Variants in SPATA7 observed in about 807,000 individuals in gnomAD.
SPATA7 encodes the protein spermatogenesis-associated protein 7.
In SPATA7, 43 loss-of-function variants were observed where a neutral mutation model predicts 51.8. The observed-to-expected ratio is 0.83, with a 90% confidence interval of 0.65 to 1.07. The LOEUF (loss-of-function observed/expected upper bound fraction) is 1.07, where lower values mean the gene tolerates loss of function less well. Among genes scored for constraint, SPATA7 ranks in the 50% least tolerant of loss-of-function variants. The probability of loss-of-function intolerance (pLI) is 0.00; values close to 1 mark genes in which losing one functional copy is unlikely to be tolerated. For synonymous variants in SPATA7, 230 were observed against 252.8 expected (o/e 0.91, Z 0.86); for missense variants, 683 against 701.3 (o/e 0.97, Z 0.30).
chr14:88,416,969 A>G (rs961611517), intron 5 of SPATA7, 125 bp downstream of exon 5: 1 of 776,998 alleles, frequency 1.3e-6, no homozygotes, highest in African/African-American at 1.8e-5. Context: ...CAGATAGTTA[A>G]TATTTTAAAA....
intron 7 of SPATA7, 60 bp downstream of exon 7, chr14:88,427,756 A>C: frequency 8.3e-7 from 1 of 1,197,870 alleles, no homozygotes; most frequent in Non-Finnish European, 1.2e-6. Flanking sequence ...TTTTCAGTAA[A>C]TAGAATATGT....
At chr14:88,439,645 G>T (rs1277392237), downstream of SPATA7, among the ~76,000 whole-genome samples, 2 of 151,900 alleles carry the variant, frequency 1.3e-5, no homozygotes, top group Admixed American at 1.3e-4. Flanking sequence ...ATCATCCTTT[G>T]GCCATAGCAG....
intron 10 of SPATA7, among the ~76,000 whole-genome samples, chr14:88,434,908 TG>T (rs113742941): frequency 0.029 from 4,448 of 152,302 alleles, 96 homozygotes; most frequent in South Asian, 0.099. Flanking sequence ...ACTCTGAGGT[TG>T]GTTCATAACT....
At chr14:88,444,980 T>C (rs1233788991) in intron 3 of SPATA7, among the ~76,000 whole-genome samples, 1 of 152,104 alleles carries the variant, frequency 6.6e-6, no homozygotes, top group African/African-American at 2.4e-5. Context: ...TCTTTTTTGG[T>C]TCCATATGAA....
intron 4 of SPATA7, chr14:88,468,013 C>T: frequency 8.0e-7 from 1 of 1,247,050 alleles, no homozygotes; most frequent in Non-Finnish European, 1.2e-6. Flanking sequence ...CAGACTGCGC[C>T]ACTTACGTCC....
chr14:88,393,052 A>T (rs1392112161), intron 2 of SPATA7, among the ~76,000 whole-genome samples: 1 of 152,098 alleles, frequency 6.6e-6, no homozygotes, highest in African/African-American at 2.4e-5. Flanking sequence ...TAACAATGGT[A>T]ACTAATTAAG....
Position 88,469,788 on chromosome 14 carries a change from T to A in SPATA7, c.255-59T>A. On this transcript the variant is annotated intron_variant, in intron 4 of 4. Transcript: ENST00000556406. This position sits in a 1 kb window ranked among gnomAD's most constrained non-coding sequence, Gnocchi z 4.3. The stretch of plus-strand genomic sequence containing the variant: ...CGAGATCCGGCAATGGATGCCTTTC[T>A]CACATAGACGGCACATCTGAAACAG... 6.2e-7 allele frequency: 1 copy of A among 1,600,396 alleles called. No individual in the cohort carries two copies. Among genetic ancestry groups the A allele is most frequent in the East Asian group, 2.2e-5 (1 of 44,778 alleles).
Position 88,433,034 on chromosome 14 carries a change from A to C in SPATA7, c.1083-101A>C, listed in dbSNP as rs1404220881. 19 of 834,938 alleles carry C rather than the reference A, an allele frequency of 2.3e-5. No individual in the cohort carries two copies. The East Asian group carries it at 4.8e-4, about 21-fold the overall frequency. The allele number at this position is 834,938 out of a possible 1,614,324, so 51.7% of individuals were successfully genotyped here. Reference sequence around the variant, plus strand: ...AATATGAGATAGAAGTACATTGGTAATGGTAGAGATAGATATTTCTAATTA... The same window carrying C: ...AATATGAGATAGAAGTACATTGGTACTGGTAGAGATAGATATTTCTAATTA... On this transcript the variant is annotated intron_variant, in intron 9 of 11. Transcript: ENST00000393545.
At chr14:88,427,402 A>G (rs73327441) in intron 6 of SPATA7, among the ~76,000 whole-genome samples, 5,371 of 152,286 alleles carry the variant, frequency 0.035, 311 homozygotes, top group African/African-American at 0.12. Context: ...TAGAAAGTAA[A>G]AACAATTTAA....
downstream of SPATA7, among the ~76,000 whole-genome samples, chr14:88,460,195 G>T (rs902193183): frequency 2.6e-5 from 4 of 152,130 alleles, no homozygotes; most frequent in African/African-American, 9.7e-5. Context: ...TCTTGGAGTT[G>T]CTCTTCTCGA....
At chr14:88,424,006 G>A (rs1426314451) in intron 5 of SPATA7, among the ~76,000 whole-genome samples, 1 of 152,146 alleles carries the variant, frequency 6.6e-6, no homozygotes, top group Admixed American at 6.5e-5. Context: ...ACTATGTTAT[G>A]GTTATTACTT....
Position 88,426,545 on chromosome 14 carries a change from A to T in SPATA7, c.686A>T (p.His229Leu), listed in dbSNP as rs771461883. ...CCCAGTGGGGATCTTTTGGATAAACATTCTGAACTCTTTTCTAACAAACAA... is the reference window on the plus strand; with the variant it reads ...CCCAGTGGGGATCTTTTGGATAAACTTTCTGAACTCTTTTCTAACAAACAA... Reference protein sequence around the residue: ...KAPSGDLLDKHSELFSNKQLP... With the variant: ...KAPSGDLLDKLSELFSNKQLP... Residue 229 changes from histidine to leucine, a missense_variant, in exon 6 of 12, where the codon CAT becomes CTT. His to Leu is a moderately conservative substitution (Grantham distance 99). Coordinates refer to ENST00000393545, the MANE Select transcript of SPATA7 (RefSeq NM_018418.5). 1.2e-6 allele frequency: 2 copies of T among 1,614,172 alleles called. No individual in the cohort carries two copies. The highest frequency in any genetic ancestry group is 2.2e-5 in the South Asian group (2 of 91,088).
chr14:88,432,050 T>A (rs1371622121), intron 9 of SPATA7, among the ~76,000 whole-genome samples: 1 of 152,060 alleles, frequency 6.6e-6, no homozygotes, highest in African/African-American at 2.4e-5. Context: ...TTTTTAATAA[T>A]CAGTATCCAT....
In SPATA7 at chr14:88,469,819, C is replaced by CAA; in HGVS notation, c.255-27_255-26dup. Reference sequence around the variant, plus strand: ...AGACGGCACATCTGAAACAGAACCACAACCCTACCCTGCCTTTTTCTCCAC... The same window carrying CAA: ...AGACGGCACATCTGAAACAGAACCACAAAACCCTACCCTGCCTTTTTCTCCAC... On this transcript the variant is annotated intron_variant, in intron 4 of 4. Transcript: ENST00000556406. The surrounding 1 kb of genome is among the most constrained non-coding windows in gnomAD (Gnocchi z 4.3). 1 of 1,601,376 alleles carries CAA rather than the reference C, an allele frequency of 6.2e-7. No homozygotes were observed. The highest frequency in any genetic ancestry group is 8.6e-7 in the Non-Finnish European group (1 of 1,168,672).
At chr14:88,432,861 T>A (rs56014450) in intron 9 of SPATA7, 131 of 319,488 alleles carry the variant, frequency 4.1e-4, no homozygotes, top group African/African-American at 2.6e-3. Flanking sequence ...TTTCTTTTTG[T>A]GTTGTTTAAT....
At chr14:88,460,310 A>G (rs189434630) in intron 4 of SPATA7, among the ~76,000 whole-genome samples, 66 of 152,280 alleles carry the variant, frequency 4.3e-4, no homozygotes, top group African/African-American at 1.5e-3. Context: ...GTGTTTTCCA[A>G]CTTGGTTCCA....
intron 6 of SPATA7, among the ~76,000 whole-genome samples, chr14:88,427,303 T>C (rs1262715198): frequency 6.6e-6 from 1 of 152,246 alleles, no homozygotes; most frequent in African/African-American, 2.4e-5. Flanking sequence ...ACAAATCTTG[T>C]CAAGTTTTGA....
At chr14:88,389,462 C>T (rs1404092123) in intron 1 of SPATA7, among the ~76,000 whole-genome samples, 2 of 152,110 alleles carry the variant, frequency 1.3e-5, no homozygotes, top group Non-Finnish European at 2.9e-5. Flanking sequence ...GCCTCAGTCT[C>T]CCAAAGTGCT....
chr14:88,460,632 A>G (rs1412812101), intron 4 of SPATA7, among the ~76,000 whole-genome samples: 1 of 152,256 alleles, frequency 6.6e-6, no homozygotes, highest in East Asian at 1.9e-4. Context: ...CAAGGTTTTT[A>G]GCTTCTTTGC....
Sources: allele counts gnomAD v4.1 joint callset (sites outside exome capture counted in the v4.1 genomes callset), GRCh38; gene constraint gnomAD v4.1.1; non-coding constraint Gnocchi (gnomAD v3.1); transcripts MANE v1.5; gene names NCBI Gene and HGNC (gene_info 2026-07-23, HGNC 2026-07-21).